Variants in AIM2 observed in about 807,000 individuals in gnomAD.
The protein encoded by AIM2 is interferon-inducible protein AIM2.
A neutral mutation model predicts 27.7 loss-of-function variants in AIM2; 30 were observed. The ratio of observed to expected loss-of-function variants is 1.08; its 90% CI spans 0.81 to 1.47. AIM2 has a LOEUF of 1.47. Ranked by LOEUF, AIM2 falls within the 40% of genes most tolerant of loss-of-function variation. The probability of loss-of-function intolerance (pLI) is 0.00; values close to 1 mark genes in which losing one functional copy is unlikely to be tolerated. For synonymous variants in AIM2, 141 were observed against 145.3 expected (o/e 0.97, Z 0.21); for missense variants, 358 against 411.3 (o/e 0.87, Z 1.12).
At chr1:159,070,639 G>A (rs1656313673) in intron 2 of AIM2, among the ~76,000 whole-genome samples, 1 of 152,206 alleles carries the variant, frequency 6.6e-6, no homozygotes, top group African/African-American at 2.4e-5. Flanking sequence ...AAAGAGAAAC[G>A]ATTTAATTAT....
In AIM2 at chr1:159,066,161, A is replaced by C; in HGVS notation, c.565T>G (p.Phe189Val). 6.2e-7 allele frequency: 1 copy of C among 1,614,206 alleles called. No homozygotes were observed. The highest frequency in any genetic ancestry group is 8.5e-7 in the Non-Finnish European group (1 of 1,180,034). Residue 189 changes from phenylalanine to valine, a missense_variant, in exon 4 of 6, where the codon TTT (phenylalanine) becomes GTT (valine). By Grantham distance (50) the Phe-to-Val change is conservative (BLOSUM62 -1). Coordinates refer to ENST00000368130, the MANE Select transcript of AIM2 (RefSeq NM_004833.3). The part of the protein sequence containing the change: ...ATVATEKEFF[F>V]VKVFNTLLKD... ...AGCAGTGTATTAAAAACTTTTACAA[A>C]GAAGAATTCCTTTTCTGTAGCCACT...
intron 1 of AIM2, among the ~76,000 whole-genome samples, chr1:159,075,555 AC>A: frequency 7.1e-6 from 1 of 140,460 alleles, no homozygotes; most frequent in Admixed American, 6.9e-5. Context: ...ACACACACAC[AC>A]ACACACACAC....
chr1:159,060,475 T>C (rs1324831541), downstream of AIM2, among the ~76,000 whole-genome samples: 1 of 152,214 alleles, frequency 6.6e-6, no homozygotes, highest in Non-Finnish European at 1.5e-5. Context: ...TACAAATGCA[T>C]GTAGTCATGA....
chr1:159,116,070 A>G (rs1291416702), intron 1 of AIM2, among the ~76,000 whole-genome samples: 1 of 152,172 alleles, frequency 6.6e-6, no homozygotes, highest in Non-Finnish European at 1.5e-5. Context: ...CAGCCAAAAG[A>G]CACATGAAAA....
At chr1:159,102,892 A>T (rs916585465) in intron 1 of AIM2, among the ~76,000 whole-genome samples, 1 of 152,142 alleles carries the variant, frequency 6.6e-6, no homozygotes, top group African/African-American at 2.4e-5. Context: ...TTGGACTTGG[A>T]CTTTTGGGTT....
the AIM2 span, chr1:159,055,067 A>C: frequency 4.9e-6 from 2 of 407,684 alleles, no homozygotes; most frequent in Non-Finnish European, 9.0e-6. Flanking sequence ...AATTTTTCAT[A>C]GTTTTTTTTT....
At position 159,085,175 on chromosome 1, in the gene AIM2, C is replaced by G. The variant is rs147788168; in HGVS notation, c.-15-18846G>C. 2.6e-3 allele frequency among the ~76,000 whole-genome samples: 397 copies of G among 152,218 alleles called. 2 individuals carry two copies. Among genetic ancestry groups the G allele is most frequent in the African/African-American group, 9.0e-3 (373 of 41,542 alleles). ...AGCCAGGTTCTCATGTTGATGACTT[C>G]TAAATCAAGCCTCCCTTGGAAGCAT... On this transcript the variant is annotated intron_variant, in intron 1 of 2. Transcript: ENST00000368129.
intron 4 of AIM2, 143 bp from the exon 5 acceptor site, chr1:159,063,817 T>C (rs72709568): frequency 0.038 from 32,163 of 855,884 alleles, 764 homozygotes; most frequent in Non-Finnish European, 0.043. Context: ...TGCAGGTCCA[T>C]TTATATGGGA....
downstream of AIM2, chr1:159,062,383 A>G (rs1571916458): frequency 2.6e-6 from 1 of 384,924 alleles, no homozygotes; most frequent in African/African-American, 2.1e-5. Context: ...GTTGTCATAT[A>G]GTTTACTTTT....
intron 1 of AIM2, among the ~76,000 whole-genome samples, chr1:159,134,616 G>A (rs1287504149): frequency 6.6e-6 from 1 of 152,190 alleles, no homozygotes; most frequent in Non-Finnish European, 1.5e-5. Context: ...TGGATTACCT[G>A]AGGTCAGGAG....
At chr1:159,145,601 T>C (rs901514580) in intron 1 of AIM2, among the ~76,000 whole-genome samples, 1 of 152,200 alleles carries the variant, frequency 6.6e-6, no homozygotes, top group African/African-American at 2.4e-5. Flanking sequence ...AACTGAGCTA[T>C]TGAGGCCTCT....
chr1:159,120,895 A>G (rs181526541), intron 1 of AIM2, among the ~76,000 whole-genome samples: 45 of 152,352 alleles, frequency 3.0e-4, no homozygotes, highest in African/African-American at 1.0e-3. Flanking sequence ...CACGGGCAAC[A>G]ACTGATTCTT....
At chr1:159,103,857 C>T (rs1406925202) in intron 1 of AIM2, among the ~76,000 whole-genome samples, 6 of 152,058 alleles carry the variant, frequency 3.9e-5, no homozygotes, top group Non-Finnish European at 2.9e-5. Flanking sequence ...CCCAAATTCA[C>T]CCACGCCAGC....
At chr1:159,079,380 T>A (rs959936918), upstream of AIM2, among the ~76,000 whole-genome samples, 7 of 151,576 alleles carry the variant, frequency 4.6e-5, no homozygotes, top group Admixed American at 1.3e-4. Flanking sequence ...AGAAAAAAAA[T>A]AAGAAATATA....
intron 1 of AIM2, among the ~76,000 whole-genome samples, chr1:159,084,463 G>T (rs887079897): frequency 6.6e-6 from 1 of 152,012 alleles, no homozygotes; most frequent in African/African-American, 2.4e-5. Flanking sequence ...TAAGGAGACA[G>T]AAACTTTATT....
chr1:159,134,771 G>A (rs1191557347), intron 1 of AIM2, among the ~76,000 whole-genome samples: 1 of 152,222 alleles, frequency 6.6e-6, no homozygotes, highest in African/African-American at 2.4e-5. Context: ...GGCGGAGGTT[G>A]CAGTGAGCTG....
intron 1 of AIM2, among the ~76,000 whole-genome samples, chr1:159,120,411 C>T (rs912685602): frequency 2.0e-5 from 3 of 152,136 alleles, no homozygotes; most frequent in Non-Finnish European, 4.4e-5. Flanking sequence ...TTTTCTTACA[C>T]AAGCATCCTA....
rs77377976 is a variant in AIM2 at position 159,121,003 on chromosome 1, A to G, written c.-16+19428T>C. Reference sequence around the variant, plus strand: ...GTCCTATGATTGTTTCTATTTTACCAATGAAGAAACTGAGGTAGAGAGAAA... The same window carrying G: ...GTCCTATGATTGTTTCTATTTTACCGATGAAGAAACTGAGGTAGAGAGAAA... On this transcript the variant is annotated intron_variant, in intron 1 of 2. Coordinates refer to the AIM2 transcript ENST00000368129. Among the ~76,000 whole-genome samples the G allele has an allele frequency of 1.6e-3, 238 of 152,282 alleles. 5 individuals carry two copies. In the East Asian group the frequency reaches 0.044, roughly 28 times the overall value.
At chr1:159,075,684 AGAAAACAACAGTCT>A (rs1656579638) in intron 1 of AIM2, among the ~76,000 whole-genome samples, 1 of 152,158 alleles carries the variant, frequency 6.6e-6, no homozygotes, top group South Asian at 2.1e-4. Flanking sequence ...TGTATCAATA[AGAAAACAACAGTCT>A]ATTTGAAAAG....
Sources: gnomAD v4.1 joint callset for allele counts (sites outside exome capture counted in the v4.1 genomes callset) on GRCh38, gnomAD v4.1.1 for gene constraint, MANE v1.5 for transcripts, NCBI Gene and HGNC (gene_info 2026-07-23, HGNC 2026-07-21) for gene names.